PLD5: variants seen among roughly 807,000 people sequenced by gnomAD.
PLD5 encodes inactive phospholipase D5.
Under a neutral mutation model 61.1 loss-of-function variants are expected in PLD5, and 36 were observed. That is an observed-to-expected ratio of 0.59 (90% CI 0.45 to 0.78). The LOEUF (loss-of-function observed/expected upper bound fraction) is 0.78. Among genes scored for constraint, PLD5 ranks in the 30% least tolerant of loss-of-function variants. The pLI is 0.00. For synonymous variants in PLD5, 243 were observed against 242.8 expected, an observed-to-expected ratio of 1.00 and a Z score of -0.01; for missense variants, 515 against 644.4, an observed-to-expected ratio of 0.80 and a Z score of 2.17.
At position 242,207,810 on chromosome 1, in the gene PLD5, TTATATTTATATATTTATA is replaced by T. The variant is rs1558343778; in HGVS notation, c.735+12160_735+12177del. Reference sequence around the variant, plus strand: ...TATATTTATATATATTTATATATATTTATATTTATATATTTATATATATTTATATATTTATATATATTT... The same window carrying T: ...TATATTTATATATATTTATATATATTTATATTTATATATTTATATATATTT... On this transcript the variant is annotated intron_variant, in intron 5 of 9. Coordinates refer to ENST00000536534, the MANE Select transcript of PLD5 (RefSeq NM_001372062.1). Among the ~76,000 whole-genome samples the T allele has an allele frequency of 9.0e-3, 335 of 37,302 alleles. 24 individuals carry two copies. Among genetic ancestry groups the T allele is most frequent in the Non-Finnish European group, 0.011 (225 of 20,796 alleles). 24.5% of individuals were successfully genotyped at this position (37,302 alleles called of 152,430 possible). A position where few individuals can be genotyped will look rare whatever the true frequency, so the allele number is the denominator to read the frequency against.
upstream of PLD5, among the ~76,000 whole-genome samples, chr1:242,525,537 CTT>C (rs1272736760): frequency 6.6e-6 from 1 of 152,254 alleles, no homozygotes; most frequent in Non-Finnish European, 1.5e-5. Context: ...TCTTCAATCT[CTT>C]CATCTTTTGC....
At chr1:242,255,816 C>G (rs4658470) in intron 4 of PLD5, among the ~76,000 whole-genome samples, 1 of 152,032 alleles carries the variant, frequency 6.6e-6, no homozygotes, top group African/African-American at 2.4e-5. Flanking sequence ...AATAATGTAG[C>G]TAAAAGAACA....
intron 1 of PLD5, among the ~76,000 whole-genome samples, chr1:242,469,357 T>C (rs1243708018): frequency 2.0e-5 from 3 of 152,216 alleles, no homozygotes; most frequent in Non-Finnish European, 4.4e-5. Flanking sequence ...AACAGAATCG[T>C]GATGTTTCTC....
intron 4 of PLD5, among the ~76,000 whole-genome samples, chr1:242,264,773 C>A (rs1673562269): frequency 6.6e-6 from 1 of 151,994 alleles, no homozygotes; most frequent in Non-Finnish European, 1.5e-5. Context: ...GAGCTCAATT[C>A]GGTTGACATT....
At chr1:242,163,139 T>TTTA (rs1166615961) in intron 5 of PLD5, among the ~76,000 whole-genome samples, 2 of 131,554 alleles carry the variant, frequency 1.5e-5, no homozygotes, top group Non-Finnish European at 3.3e-5. Flanking sequence ...TTTATTTTCT[T>TTTA]TTCTTTTCTT....
At chr1:242,157,112 A>G (rs184361) in intron 5 of PLD5, among the ~76,000 whole-genome samples, 16,474 of 152,018 alleles carry the variant, frequency 0.11, 1,426 homozygotes, top group African/African-American at 0.24. Flanking sequence ...TTGATCTTCA[A>G]TCTCTGATAT....
chr1:242,402,540 G>A lies in PLD5; in HGVS notation c.190-54298C>T, dbSNP rs1663999614. On this transcript the variant is annotated intron_variant, in intron 1 of 9. Transcript: ENST00000536534. ...TACAATATTTACTAATTCATCAGAA[G>A]CTTAATAGGGTTAGCTTATTATTCA... Among the ~76,000 whole-genome samples, 3 of 152,166 alleles carry A rather than the reference G, an allele frequency of 2.0e-5. No individual in the cohort carries two copies. The South Asian group carries it at 6.2e-4, about 32-fold the overall frequency.
chr1:242,214,919 C>A (rs7533773), intron 5 of PLD5, among the ~76,000 whole-genome samples: 43,223 of 137,948 alleles, frequency 0.31, 6,969 homozygotes, highest in South Asian at 0.41. Context: ...CTCTGTTGCC[C>A]GGGCTGGAGT....
intron 5 of PLD5, among the ~76,000 whole-genome samples, chr1:242,184,764 A>G (rs935668831): frequency 6.6e-6 from 1 of 152,218 alleles, no homozygotes; most frequent in African/African-American, 2.4e-5. Context: ...CCACTGCACT[A>G]TCAGAGAAAA....
At chr1:242,189,445 C>CAAAAAAAA (rs58476673) in intron 5 of PLD5, among the ~76,000 whole-genome samples, 3 of 70,438 alleles carry the variant, frequency 4.3e-5, no homozygotes, top group Non-Finnish European at 5.6e-5. Flanking sequence ...GACTCCATCT[C>CAAAAAAAA]AAAAAAAAAA....
chr1:242,481,887 C>A (rs565460091), intron 1 of PLD5, among the ~76,000 whole-genome samples: 4 of 152,218 alleles, frequency 2.6e-5, no homozygotes, highest in Non-Finnish European at 5.9e-5. Flanking sequence ...CAGGCAGCAA[C>A]ATTTGCTGTT....
chr1:242,342,220 G>A (rs548370896), intron 2 of PLD5, among the ~76,000 whole-genome samples: 27 of 152,332 alleles, frequency 1.8e-4, no homozygotes, highest in Non-Finnish European at 2.8e-4. Flanking sequence ...CTTCTAGTGA[G>A]TGTCTAATAG....
rs931641984 is a variant in PLD5, at chr1:242,117,247, G to A, written c.934-3221C>T. 4.6e-5 allele frequency among the ~76,000 whole-genome samples: 7 copies of A among 152,188 alleles called. No homozygotes were observed. In the East Asian group the frequency reaches 1.2e-3, roughly 25 times the overall value. On this transcript the variant is annotated intron_variant, in intron 6 of 9. Transcript: ENST00000536534. Reference sequence around the variant, plus strand: ...CAAATGCAAGTAATTACCAGTCCACGGCTGTGCCCTCATCATGTCTGACTC... The same window carrying A: ...CAAATGCAAGTAATTACCAGTCCACAGCTGTGCCCTCATCATGTCTGACTC...
intron 1 of PLD5, among the ~76,000 whole-genome samples, chr1:242,491,386 C>T (rs1482007462): frequency 1.3e-5 from 2 of 152,186 alleles, no homozygotes; most frequent in South Asian, 2.1e-4. Flanking sequence ...GAAACGTGTG[C>T]ATGTGCGCAC....
intron 1 of PLD5, among the ~76,000 whole-genome samples, chr1:242,421,504 T>C (rs1665141358): frequency 6.6e-6 from 1 of 152,186 alleles, no homozygotes; most frequent in Admixed American, 6.5e-5. Context: ...CAGCACATAC[T>C]ACTGATGTTC....
intron 1 of PLD5, among the ~76,000 whole-genome samples, chr1:242,460,163 A>G (rs1258389986): frequency 2.0e-5 from 3 of 152,176 alleles, no homozygotes; most frequent in African/African-American, 7.2e-5. Context: ...TTCTACATAA[A>G]ATGTTATGTT....
intron 4 of PLD5, among the ~76,000 whole-genome samples, chr1:242,242,038 C>T (rs1451558307): frequency 1.4e-5 from 2 of 147,688 alleles, no homozygotes; most frequent in African/African-American, 5.0e-5. Context: ...CACACACACA[C>T]ACACACATAT....
chr1:242,113,810 G>T (rs1345121037), intron 7 of PLD5, 80 bp downstream of exon 7: 1 of 1,476,378 alleles, frequency 6.8e-7, no homozygotes, highest in African/African-American at 1.4e-5. Context: ...TCCATTTCCA[G>T]GCTGGCTTCT....
At chr1:242,369,659 G>T (rs745602138) in intron 1 of PLD5, among the ~76,000 whole-genome samples, 85 of 152,152 alleles carry the variant, frequency 5.6e-4, no homozygotes, top group Non-Finnish European at 1.3e-4. Context: ...GATGTTCGTG[G>T]TTTGCTCTGC....
Sources: allele counts gnomAD v4.1 joint callset (sites outside exome capture counted in the v4.1 genomes callset), GRCh38; gene constraint gnomAD v4.1.1; transcripts MANE v1.5; gene names NCBI Gene and HGNC (gene_info 2026-07-23, HGNC 2026-07-21).